HDAC9: variants seen among roughly 807,000 people sequenced by gnomAD.
HDAC9 encodes MEF-2 interacting transcription repressor (MITR) protein.
HDAC9 carries 41 observed loss-of-function variants against 139.4 expected under a neutral mutation model. The ratio of observed to expected loss-of-function variants is 0.29; its 90% CI spans 0.23 to 0.38. The LOEUF is 0.38. Ranked by LOEUF, HDAC9 falls within the 10% of genes least tolerant of loss-of-function variation. HDAC9 has a pLI of 1.00. For synonymous variants in HDAC9, 517 were observed against 476.2 expected (o/e 1.09, Z -1.12); for missense variants, 1,147 against 1,297.0 (o/e 0.88, Z 1.78).
chr7:18,984,095 T>A (rs914828388), intron 25 of HDAC9, among the ~76,000 whole-genome samples: 2 of 152,128 alleles, frequency 1.3e-5, no homozygotes, highest in Non-Finnish European at 2.9e-5. Context: ...AGGACATAAG[T>A]GAAAATTAGA....
chr7:18,826,553 T>C (rs1439102634), intron 17 of HDAC9, among the ~76,000 whole-genome samples: 5 of 151,998 alleles, frequency 3.3e-5, no homozygotes, highest in Admixed American at 6.6e-5. Flanking sequence ...TTTAGCAGAA[T>C]GATGGAGGTT....
chr7:18,270,006 T>C (rs1488327482), intron 2 of HDAC9, among the ~76,000 whole-genome samples: 2 of 152,102 alleles, frequency 1.3e-5, no homozygotes, highest in African/African-American at 2.4e-5. Context: ...AATTCTTTGT[T>C]GTAGGGGCCT....
intron 2 of HDAC9, among the ~76,000 whole-genome samples, chr7:18,198,139 CA>C (rs954085829): frequency 1.3e-5 from 2 of 152,004 alleles, no homozygotes; most frequent in African/African-American, 4.8e-5. Context: ...TAATATCAAT[CA>C]AAATACTGTA....
intron 25 of HDAC9, among the ~76,000 whole-genome samples, chr7:18,991,447 C>T (rs1053073219): frequency 1.1e-4 from 17 of 152,122 alleles, no homozygotes; most frequent in Non-Finnish European, 1.6e-4. Flanking sequence ...ACCATCCTGG[C>T]TAACACGGTG....
At chr7:18,854,162 A>T (rs778575116) in intron 21 of HDAC9, among the ~76,000 whole-genome samples, 1 of 152,184 alleles carries the variant, frequency 6.6e-6, no homozygotes, top group Non-Finnish European at 1.5e-5. Context: ...CTTCACCAGA[A>T]ATGTACCAGA....
intron 22 of HDAC9, among the ~76,000 whole-genome samples, chr7:18,920,455 T>C (rs1803597800): frequency 6.6e-6 from 1 of 152,140 alleles, no homozygotes; most frequent in African/African-American, 2.4e-5. Context: ...ACAATTTGAC[T>C]TCCTCTTTTC....
At chr7:18,531,439 T>G (rs955964944) in intron 2 of HDAC9, among the ~76,000 whole-genome samples, 8 of 152,166 alleles carry the variant, frequency 5.3e-5, no homozygotes, top group Non-Finnish European at 8.8e-5. Context: ...TTTAATTTCT[T>G]TAAATTCTTT....
rs573404859 is a variant in HDAC9, at chr7:18,106,860, TC to T, written c.-97+19650del. On this transcript the variant is annotated intron_variant, in intron 1 of 12. Coordinates refer to the HDAC9 transcript ENST00000417496. ...AGTTCATATTTCACCTCTCCTGGAATCCCTTTTTATACACCAGTGCTGGAAT... is the reference window on the plus strand; with the variant it reads ...AGTTCATATTTCACCTCTCCTGGAATCCTTTTTATACACCAGTGCTGGAAT... Among the ~76,000 whole-genome samples, 346 of 152,274 alleles carry T rather than the reference TC, an allele frequency of 2.3e-3. 1 individual carries two copies. The highest frequency in any genetic ancestry group is 8.1e-3 in the African/African-American group (337 of 41,550).
chr7:18,318,362 G>T (rs960845333), intron 1 of HDAC9, among the ~76,000 whole-genome samples: 1 of 152,200 alleles, frequency 6.6e-6, no homozygotes, highest in Non-Finnish European at 1.5e-5. Flanking sequence ...TGATCAGCTT[G>T]ATCAGCAACC....
intron 2 of HDAC9, among the ~76,000 whole-genome samples, chr7:18,165,798 CAA>C (rs59376151): frequency 9.7e-4 from 94 of 97,406 alleles, no homozygotes; most frequent in South Asian, 5.7e-3. Flanking sequence ...GACCCTGTCT[CAA>C]AAAAAAAAAA....
chr7:18,112,818 G>A (rs746972003), intron 1 of HDAC9, among the ~76,000 whole-genome samples: 10 of 152,168 alleles, frequency 6.6e-5, no homozygotes, highest in Non-Finnish European at 1.5e-4. Context: ...TGAAGAAGCA[G>A]GTCACACGTA....
intron 2 of HDAC9, among the ~76,000 whole-genome samples, chr7:18,175,780 C>CCT (rs1491121748): frequency 1.6e-4 from 19 of 118,626 alleles, no homozygotes; most frequent in Non-Finnish European, 3.3e-4. Context: ...CCCCCCCCCC[C>CCT]TTTTTTTAGA....
intron 22 of HDAC9, among the ~76,000 whole-genome samples, chr7:18,930,499 A>T (rs1192925873): frequency 1.3e-5 from 2 of 152,126 alleles, no homozygotes; most frequent in African/African-American, 4.8e-5. Context: ...ATGCCACTGA[A>T]ACCTTTAATA....
At chr7:18,720,912 C>T (rs1240818408) in intron 12 of HDAC9, among the ~76,000 whole-genome samples, 3 of 152,092 alleles carry the variant, frequency 2.0e-5, no homozygotes, top group African/African-American at 7.2e-5. Flanking sequence ...AACTCCTGGG[C>T]TCAAGCATTT....
At chr7:18,708,235 A>C (rs139187707) in intron 12 of HDAC9, among the ~76,000 whole-genome samples, 272 of 152,182 alleles carry the variant, frequency 1.8e-3, no homozygotes, top group Non-Finnish European at 3.3e-3. Context: ...GAGTGGGGTC[A>C]AGGGTTTACA....
At chr7:18,528,909 C>G (rs150531817) in intron 2 of HDAC9, among the ~76,000 whole-genome samples, 1,634 of 152,198 alleles carry the variant, frequency 0.011, 17 homozygotes, top group Middle Eastern at 0.031. Context: ...TACAAAGGAA[C>G]CACATAAGTA....
At chr7:18,373,820 C>T (rs905844813) in intron 1 of HDAC9, among the ~76,000 whole-genome samples, 2 of 151,966 alleles carry the variant, frequency 1.3e-5, no homozygotes, top group African/African-American at 4.8e-5. Context: ...GCATTTAAGT[C>T]ATGCTAACTT....
chr7:18,138,721 C>A (rs1266094815), intron 1 of HDAC9, among the ~76,000 whole-genome samples: 5 of 152,052 alleles, frequency 3.3e-5, no homozygotes, highest in African/African-American at 9.7e-5. Context: ...CATTAAGAAT[C>A]TAGGTTGGCA....
chr7:18,870,493 A>G (rs1474306761), intron 21 of HDAC9, among the ~76,000 whole-genome samples: 3 of 152,300 alleles, frequency 2.0e-5, no homozygotes, highest in East Asian at 3.9e-4. Context: ...GGGAGTATTG[A>G]TGCTGATATG....
Sources: allele counts gnomAD v4.1 joint callset (sites outside exome capture counted in the v4.1 genomes callset), GRCh38; gene constraint gnomAD v4.1.1; transcripts MANE v1.5; gene names NCBI Gene and HGNC (gene_info 2026-07-23, HGNC 2026-07-21).